Variants in WDFY2 observed in about 807,000 individuals in gnomAD.
WDFY2 encodes WD repeat and FYVE domain-containing protein 2.
In WDFY2, 36 loss-of-function variants were observed where a neutral mutation model predicts 56.4. The observed-to-expected ratio is 0.64, with a 90% CI of 0.49 to 0.84. WDFY2 has a LOEUF of 0.84. WDFY2 is among the 40% of genes least tolerant of loss of function. WDFY2 has a pLI of 0.00. For missense variants in WDFY2, 444 were observed against 512.2 expected (o/e 0.87, Z 1.29); for synonymous variants, 176 against 183.7 (o/e 0.96, Z 0.34).
At chr13:51,604,956 T>G (rs545295239) in intron 1 of WDFY2, among the ~76,000 whole-genome samples, 5 of 152,356 alleles carry the variant, frequency 3.3e-5, no homozygotes, top group Admixed American at 2.6e-4. Context: ...TTACCTTTAC[T>G]TAGCTGTATG....
At chr13:51,630,113 C>T (rs1294033150) in intron 1 of WDFY2, among the ~76,000 whole-genome samples, 2 of 152,090 alleles carry the variant, frequency 1.3e-5, no homozygotes, top group Non-Finnish European at 2.9e-5. Context: ...CCATTAAAGA[C>T]ATTGAGTTAC....
chr13:51,703,777 G>A (rs2138584233), intron 4 of WDFY2, 127 bp downstream of exon 4: 1 of 751,712 alleles, frequency 1.3e-6, no homozygotes, highest in Non-Finnish European at 2.1e-6. Flanking sequence ...TTTTGAGTGA[G>A]TGTTATCCCT....
intron 2 of WDFY2, among the ~76,000 whole-genome samples, chr13:51,671,048 T>G (rs1335006728): frequency 6.6e-6 from 1 of 152,220 alleles, no homozygotes; most frequent in Non-Finnish European, 1.5e-5. Flanking sequence ...AATGGCATTA[T>G]TTTGTTACTT....
intron 7 of WDFY2, among the ~76,000 whole-genome samples, chr13:51,748,746 A>G (rs548783318): frequency 9.2e-5 from 14 of 151,868 alleles, no homozygotes; most frequent in African/African-American, 3.4e-4. Flanking sequence ...ATCCTTTCAC[A>G]TTGTAGGCAT....
At chr13:51,673,457 T>A (rs920946360) in intron 2 of WDFY2, among the ~76,000 whole-genome samples, 11 of 152,222 alleles carry the variant, frequency 7.2e-5, no homozygotes, top group African/African-American at 2.7e-4. Context: ...TAAAATTCAT[T>A]TTAACAGGAA....
Position 51,762,199 on chromosome 13 carries a change from C to T in WDFY2, c.*2430C>T, listed in dbSNP as rs1026015527. ...AGAGAGGAACACAGTATTAGGGCAG[C>T]AAAGGCCCAGGCGCCCAGCAAGCCT... On this transcript the variant is annotated 3_prime_UTR_variant, in exon 12 of 12. Coordinates refer to ENST00000298125, the MANE Select transcript of WDFY2 (RefSeq NM_052950.4). 1.3e-5 allele frequency: 2 copies of T among 152,226 alleles called. No individual in the cohort carries two copies. The highest frequency in any genetic ancestry group is 4.8e-5 in the African/African-American group (2 of 41,446). 9.4% of individuals were successfully genotyped at this position (152,226 alleles called of 1,614,324 possible).
chr13:51,587,189 CT>C (rs2138277699), intron 1 of WDFY2: 1 of 152,258 alleles, frequency 6.6e-6, no homozygotes, highest in South Asian at 2.1e-4. Context: ...TCTTTTTGAC[CT>C]TTGACTTCTT....
intron 2 of WDFY2, among the ~76,000 whole-genome samples, chr13:51,673,604 T>A (rs1462501674): frequency 6.6e-6 from 1 of 152,110 alleles, no homozygotes; most frequent in Non-Finnish European, 1.5e-5. Context: ...TTTCTTTAGA[T>A]TTTTTTTCAG....
intron 4 of WDFY2, 134 bp downstream of exon 4, chr13:51,703,784 C>A: frequency 2.7e-6 from 2 of 730,472 alleles, no homozygotes; most frequent in Non-Finnish European, 4.3e-6. Flanking sequence ...TGAGTGTTAT[C>A]CCTGTGTTTT....
chr13:51,612,489 T>G (rs1954521821), intron 1 of WDFY2, among the ~76,000 whole-genome samples: 1 of 152,246 alleles, frequency 6.6e-6, no homozygotes, highest in Admixed American at 6.5e-5. Flanking sequence ...CTTTTTACAA[T>G]TAAATTTTTT....
At chr13:51,652,366 A>T (rs1394985245) in intron 1 of WDFY2, among the ~76,000 whole-genome samples, 1 of 152,124 alleles carries the variant, frequency 6.6e-6, no homozygotes, top group East Asian at 1.9e-4. Flanking sequence ...CCAGTTTTCC[A>T]GTCTGTGTCT....
At chr13:51,730,316 TACTTA>T (rs939101207) in intron 6 of WDFY2, among the ~76,000 whole-genome samples, 8 of 152,190 alleles carry the variant, frequency 5.3e-5, no homozygotes, top group Non-Finnish European at 1.0e-4. Flanking sequence ...AACCTTGTCG[TACTTA>T]ACTTTTCAGC....
chr13:51,587,095 C>G (rs9596540), intron 1 of WDFY2: 1 of 152,184 alleles, frequency 6.6e-6, no homozygotes, highest in Non-Finnish European at 1.5e-5. Context: ...AATCTTCATT[C>G]CTGAACTCTG....
chr13:51,661,379 A>G (rs1955609893), intron 2 of WDFY2, among the ~76,000 whole-genome samples: 1 of 152,144 alleles, frequency 6.6e-6, no homozygotes, highest in East Asian at 1.9e-4. Flanking sequence ...TAATTATTTA[A>G]ATTTATTATT....
At chr13:51,623,144 C>G (rs1453440433) in intron 1 of WDFY2, among the ~76,000 whole-genome samples, 2 of 151,998 alleles carry the variant, frequency 1.3e-5, no homozygotes, top group Non-Finnish European at 2.9e-5. Context: ...AGGCAAGAGC[C>G]ACCGTGCATG....
chr13:51,585,458 C>G (rs1364727988), intron 1 of WDFY2, among the ~76,000 whole-genome samples: 1 of 152,186 alleles, frequency 6.6e-6, no homozygotes, highest in Admixed American at 6.5e-5. Context: ...ATCACTGCTG[C>G]AAATAGCTCT....
chr13:51,598,678 C>G (rs916333762), intron 1 of WDFY2: 1 of 152,068 alleles, frequency 6.6e-6, no homozygotes, highest in Non-Finnish European at 1.5e-5. Context: ...ATTCTCTATC[C>G]AAAGAAATAT....
chr13:51,709,490 AAAAATTGATCTTTTTTGAAAAGATCAAC>A (rs1423409746), intron 4 of WDFY2, among the ~76,000 whole-genome samples: 1 of 152,126 alleles, frequency 6.6e-6, no homozygotes, highest in Non-Finnish European at 1.5e-5. Context: ...TAAAAAATTG[AAAAATTGATCTTTTTTGAAAAGATCAAC>A]AAAATTGATA....
chr13:51,641,807 C>T (rs915781835), intron 1 of WDFY2, among the ~76,000 whole-genome samples: 12 of 108,046 alleles, frequency 1.1e-4, no homozygotes, highest in African/African-American at 4.5e-4. Context: ...GCCTGGGCGA[C>T]AGAGCGAGAC....
Sources: gnomAD v4.1 joint callset for allele counts (sites outside exome capture counted in the v4.1 genomes callset) on GRCh38, gnomAD v4.1.1 for gene constraint, MANE v1.5 for transcripts, NCBI Gene and HGNC (gene_info 2026-07-23, HGNC 2026-07-21) for gene names.